The following TMEM123 variants were observed in gnomAD, a reference collection of about 807,000 sequenced individuals.
TMEM123 encodes the protein transmembrane protein 123, also known as porimin.
A neutral mutation model predicts 19.7 loss-of-function variants in TMEM123; 16 were observed. That is an observed-to-expected ratio of 0.81 (90% confidence interval 0.55 to 1.23). The LOEUF is 1.23. Ranked by LOEUF, TMEM123 falls within the 50% of genes most tolerant of loss-of-function variation. The pLI, the probability that TMEM123 is intolerant of heterozygous loss-of-function variation, is 0.00. For synonymous variants in TMEM123, 118 were observed against 99.4 expected (o/e 1.19, Z -1.12); for missense variants, 313 against 257.8 (o/e 1.21, Z -1.47).
intron 2 of TMEM123, among the ~76,000 whole-genome samples, chr11:102,440,793 A>G (rs1356273959): frequency 6.6e-5 from 10 of 152,228 alleles, no homozygotes; most frequent in African/African-American, 2.4e-4. Context: ...TGCTGTATTC[A>G]GGAGACCCAT....
chr11:102,405,841 ATTTC>A (rs1257817507), intron 2 of TMEM123, among the ~76,000 whole-genome samples: 11 of 152,212 alleles, frequency 7.2e-5, no homozygotes, highest in Non-Finnish European at 1.5e-4. Flanking sequence ...TTCTATGTCA[ATTTC>A]TTTGTCGATT....
At chr11:102,443,510 C>T (rs533078352) in intron 2 of TMEM123, among the ~76,000 whole-genome samples, 17 of 151,988 alleles carry the variant, frequency 1.1e-4, no homozygotes, top group South Asian at 2.1e-4. Context: ...AAGCTGAAAC[C>T]GGATCCCTTC....
Position 102,428,990 on chromosome 11 carries a change from G to A in TMEM123, c.157+19822C>T, listed in dbSNP as rs77631117. ...GGCAAACACCCTTCGCTCACCCCCT[G>A]GGGTCTGGAGGGACTACGAGTGGGT... On this transcript the variant is annotated intron_variant, in intron 2 of 4. Coordinates refer to ENST00000398136, the MANE Select transcript of TMEM123 (RefSeq NM_052932.3). Among the ~76,000 whole-genome samples, 63 of 152,208 alleles carry A rather than the reference G, an allele frequency of 4.1e-4. No individual in the cohort carries two copies. In the East Asian group the frequency reaches 8.9e-3, roughly 21 times the overall value.
intron 2 of TMEM123, among the ~76,000 whole-genome samples, chr11:102,408,232 C>A (rs777437703): frequency 2.0e-5 from 3 of 152,168 alleles, no homozygotes; most frequent in Non-Finnish European, 4.4e-5. Context: ...AGTGTTCAGC[C>A]CACAGTGAAA....
At chr11:102,449,645 T>C (rs554734019) in intron 1 of TMEM123, among the ~76,000 whole-genome samples, 1 of 152,358 alleles carries the variant, frequency 6.6e-6, no homozygotes, top group South Asian at 2.1e-4. Flanking sequence ...GAATTTCTTC[T>C]TCTTGATGGG....
chr11:102,428,955 T>A, intron 2 of TMEM123, among the ~76,000 whole-genome samples: 1 of 152,114 alleles, frequency 6.6e-6, no homozygotes, highest in East Asian at 1.9e-4. Context: ...CCTGTTCCAC[T>A]CTTCCTTCAG....
intron 2 of TMEM123, among the ~76,000 whole-genome samples, chr11:102,437,085 T>TA (rs1440107474): frequency 1.3e-5 from 2 of 152,196 alleles, no homozygotes; most frequent in Non-Finnish European, 1.5e-5. Flanking sequence ...GTTTTCCTGT[T>TA]AGTTTTGTTG....
At chr11:102,416,826 T>G (rs1008559338) in intron 2 of TMEM123, among the ~76,000 whole-genome samples, 3 of 152,170 alleles carry the variant, frequency 2.0e-5, no homozygotes, top group Admixed American at 2.0e-4. Context: ...ATTCTTGGGA[T>G]GCAAGGTTGG....
chr11:102,419,584 A>G (rs1952069745), intron 2 of TMEM123, among the ~76,000 whole-genome samples: 2 of 152,218 alleles, frequency 1.3e-5, no homozygotes, highest in African/African-American at 4.8e-5. Flanking sequence ...TTTTTAAACT[A>G]CTTTTAAAAG....
At chr11:102,399,279 T>TA (rs1951889059) in intron 4 of TMEM123, among the ~76,000 whole-genome samples, 1 of 151,982 alleles carries the variant, frequency 6.6e-6, no homozygotes, top group Non-Finnish European at 1.5e-5. Flanking sequence ...CTACCATCTC[T>TA]ATAAAACATT....
chr11:102,411,889 G>T (rs1054796534), intron 2 of TMEM123, among the ~76,000 whole-genome samples: 1 of 152,138 alleles, frequency 6.6e-6, no homozygotes. Context: ...TACAGTTGGG[G>T]GGCACCCAAG....
At chr11:102,411,801 T>G (rs1251911422) in intron 2 of TMEM123, among the ~76,000 whole-genome samples, 1 of 152,224 alleles carries the variant, frequency 6.6e-6, no homozygotes, top group Non-Finnish European at 1.5e-5. Flanking sequence ...ATGTCTTATA[T>G]TTTCATTTCA....
At chr11:102,430,029 C>CT (rs1857675182) in intron 2 of TMEM123, among the ~76,000 whole-genome samples, 1 of 152,216 alleles carries the variant, frequency 6.6e-6, no homozygotes, top group Non-Finnish European at 1.5e-5. Flanking sequence ...CCAAATTGCT[C>CT]TGTCCATCCC....
intron 2 of TMEM123, among the ~76,000 whole-genome samples, chr11:102,430,130 C>G (rs993100499): frequency 1.3e-5 from 2 of 152,166 alleles, no homozygotes; most frequent in African/African-American, 4.8e-5. Flanking sequence ...AACAGAGTTG[C>G]CCGGGACCAC....
intron 2 of TMEM123, among the ~76,000 whole-genome samples, chr11:102,442,867 T>C (rs868244577): frequency 1.2e-4 from 18 of 152,322 alleles, no homozygotes; most frequent in African/African-American, 2.9e-4. Flanking sequence ...ACAAAATCAA[T>C]GTGCAAAAAT....
rs1482636892 is a variant in TMEM123, at chr11:102,396,417, GA to G, written c.*2449del. ...GCTGGTCATTATAATAAAAAGAAAA[GA>G]AGAGTTTAACTTTTTTTTTGTGAAA... On this transcript the variant is annotated 3_prime_UTR_variant, in exon 5 of 5. Coordinates refer to ENST00000398136, the MANE Select transcript of TMEM123 (RefSeq NM_052932.3). The G allele has an allele frequency of 6.6e-6, 1 of 151,834 alleles. No homozygotes were observed. Among genetic ancestry groups the G allele is most frequent in the African/African-American group, 2.4e-5 (1 of 41,236 alleles). The allele number at this position is 151,834 out of a possible 1,614,324, so 9.4% of individuals were successfully genotyped here.
At position 102,402,112 on chromosome 11, in the gene TMEM123, T is replaced by C. The variant is rs377234758; in HGVS notation, c.252A>G (p.Thr84=). ...CTGTAGGTTTCATGGTGGTGACCGT[T>C]GTATTACTGGAGTCTGAGGCAACTG... ...PTSVASDSSN[T]TVTTMKPTAA... is the part of the protein sequence containing the mutation. The change falls in exon 3 of 5, where the codon ACA becomes ACG. Residue 84 remains threonine (T), a synonymous_variant. Coordinates refer to ENST00000398136, the MANE Select transcript of TMEM123 (RefSeq NM_052932.3). 1.2e-5 allele frequency: 20 copies of C among 1,614,180 alleles called. No homozygotes were observed. The African/African-American group carries it at 1.9e-4, about 15-fold the overall frequency.
chr11:102,429,143 C>G (rs1161691571), intron 2 of TMEM123, among the ~76,000 whole-genome samples: 1 of 151,960 alleles, frequency 6.6e-6, no homozygotes, highest in East Asian at 1.9e-4. Flanking sequence ...TTTGTTAATT[C>G]CTGTCCCTGA....
intron 2 of TMEM123, among the ~76,000 whole-genome samples, chr11:102,408,256 G>GCA (rs1951972813): frequency 6.6e-6 from 1 of 152,174 alleles, no homozygotes; most frequent in African/African-American, 2.4e-5. Context: ...GACAAAGAAT[G>GCA]CACACGTGGC....
Sources: gnomAD v4.1 joint callset for allele counts (sites outside exome capture counted in the v4.1 genomes callset) on GRCh38, gnomAD v4.1.1 for gene constraint, MANE v1.5 for transcripts, NCBI Gene and HGNC (gene_info 2026-07-23, HGNC 2026-07-21) for gene names.